Variants in MAP3K7 observed in about 807,000 individuals in gnomAD.
MAP3K7 encodes the protein mitogen-activated protein kinase kinase kinase 7.
Under a neutral mutation model 84.8 loss-of-function variants are expected in MAP3K7, and 21 were observed. That is an observed-to-expected ratio of 0.25 (90% CI 0.18 to 0.36). The LOEUF is 0.36. Among genes scored for constraint, MAP3K7 ranks in the 10% least tolerant of loss-of-function variants. The pLI is 1.00. For missense variants in MAP3K7, 503 were observed against 747.7 expected (o/e 0.67, Z 3.82); for synonymous variants, 241 against 247.7 (o/e 0.97, Z 0.25).
intron 13 of MAP3K7, among the ~76,000 whole-genome samples, chr6:90,534,853 CAG>C (rs1174383533): frequency 5.3e-5 from 8 of 152,060 alleles, no homozygotes; most frequent in African/African-American, 1.9e-4. Context: ...CAATAGTAAA[CAG>C]AGTTTAAAAG....
chr6:90,557,049 G>GA (rs899223096), intron 5 of MAP3K7, among the ~76,000 whole-genome samples: 2 of 151,796 alleles, frequency 1.3e-5, no homozygotes, highest in African/African-American at 4.8e-5. Flanking sequence ...AATATAGAAG[G>GA]AAAAAAATGG....
chr6:90,524,710 G>A (rs1329464882), intron 13 of MAP3K7, among the ~76,000 whole-genome samples: 1 of 151,688 alleles, frequency 6.6e-6, no homozygotes, highest in Admixed American at 6.6e-5. Flanking sequence ...GATGCAATAA[G>A]GAATAGTGAT....
chr6:90,520,541 TATC>T (rs1467634575), intron 14 of MAP3K7, among the ~76,000 whole-genome samples: 2 of 152,056 alleles, frequency 1.3e-5, no homozygotes, highest in African/African-American at 2.4e-5. Context: ...TGACGGTAGT[TATC>T]ATTATTATTC....
intron 12 of MAP3K7, among the ~76,000 whole-genome samples, chr6:90,540,230 C>G (rs1178232063): frequency 1.3e-5 from 2 of 151,766 alleles, no homozygotes; most frequent in African/African-American, 4.8e-5. Context: ...TTGGTCAAGG[C>G]ATTTTATTGC....
In MAP3K7 at chr6:90,560,080, G is replaced by A; in HGVS notation, c.478C>T (p.Pro160Ser). ...TGTCACATTATTATAACTTACTTTG[G>A]TGGTTTCAGGTCCCTGTGAATTAGC... ...KALIHRDLKP[P>S]NLLLVAGGTV... Residue 160 changes from proline to serine, a missense_variant, in exon 5 of 17, where the codon CCA becomes TCA. Around this residue, in one of 5 missense-constraint regions of MAP3K7, gnomAD observed 97 missense variants for 270.8 expected, o/e 0.36. Transcript: ENST00000369329. The A allele has an allele frequency of 6.2e-7, 1 of 1,614,118 alleles. No individual in the cohort carries two copies. Among genetic ancestry groups the A allele is most frequent in the Non-Finnish European group, 8.5e-7 (1 of 1,180,032 alleles).
Position 90,585,928 on chromosome 6 carries a change from C to A in MAP3K7, c.120+836G>T, listed in dbSNP as rs143778883. Among the ~76,000 whole-genome samples, 5 of 152,252 alleles carry A rather than the reference C, an allele frequency of 3.3e-5. No homozygotes were observed. The South Asian group carries it at 6.2e-4, about 19-fold the overall frequency. On this transcript the variant is annotated intron_variant, in intron 1 of 16. Transcript: ENST00000369329. Reference sequence around the variant, plus strand: ...TTTAAACATTACGAGTATTGCTGTGCGGTATCGGAGAAATTGAGAACCATT... The same window carrying A: ...TTTAAACATTACGAGTATTGCTGTGAGGTATCGGAGAAATTGAGAACCATT...
At chr6:90,563,110 A>G (rs1233000960) in intron 3 of MAP3K7, among the ~76,000 whole-genome samples, 4 of 152,240 alleles carry the variant, frequency 2.6e-5, no homozygotes, top group Admixed American at 2.0e-4. Flanking sequence ...GATAAAAACC[A>G]CAAAAATGGG....
chr6:90,559,385 G>A (rs537070816), intron 5 of MAP3K7, among the ~76,000 whole-genome samples: 23 of 15,392 alleles, frequency 1.5e-3, no homozygotes, highest in Admixed American at 6.1e-3. Flanking sequence ...TGGGAGCTTG[G>A]GGGGAGGGTA....
At chr6:90,525,439 T>G (rs1388178443) in intron 13 of MAP3K7, among the ~76,000 whole-genome samples, 1 of 152,174 alleles carries the variant, frequency 6.6e-6, no homozygotes, top group Admixed American at 6.6e-5. Context: ...CCCTCTTGCC[T>G]CAGTCTCCCT....
chr6:90,563,748 C>A (rs1008103797), intron 3 of MAP3K7, among the ~76,000 whole-genome samples: 5 of 152,118 alleles, frequency 3.3e-5, no homozygotes, highest in African/African-American at 1.2e-4. Flanking sequence ...AGAAGAGCAA[C>A]TCCAAGATAC....
chr6:90,519,100 C>G (rs1307908700), intron 15 of MAP3K7, among the ~76,000 whole-genome samples, 158 bp downstream of exon 15: 1 of 151,702 alleles, frequency 6.6e-6, no homozygotes, highest in Non-Finnish European at 1.5e-5. Context: ...TTAACTTAAC[C>G]AAAAGAATTA....
intron 4 of MAP3K7, 84 bp downstream of exon 4, chr6:90,561,538 G>A (rs1776514777): frequency 9.1e-6 from 9 of 985,208 alleles, no homozygotes; most frequent in Non-Finnish European, 1.4e-5. Flanking sequence ...AAATTGTGAA[G>A]AATGTTAAAC....
chr6:90,586,612 CCA>C (rs936592057), intron 1 of MAP3K7, 150 bp downstream of exon 1: 91 of 1,014,972 alleles, frequency 9.0e-5, no homozygotes, highest in Non-Finnish European at 1.2e-4. Context: ...ACCCCCACTC[CCA>C]CGTTACTGAG....
intron 1 of MAP3K7, among the ~76,000 whole-genome samples, chr6:90,585,618 C>CTTTTTTTTTTTTTTTTTTTTTTTT (rs1562116546): frequency 5.5e-4 from 82 of 150,412 alleles, no homozygotes; most frequent in Middle Eastern, 3.4e-3. Context: ...GCAGTTTTTA[C>CTTTTTTTTTTTTTTTTTTTTTTTT]TTTTCTAAAT....
chr6:90,524,196 T>G (rs1391249588), intron 13 of MAP3K7, among the ~76,000 whole-genome samples: 2 of 151,434 alleles, frequency 1.3e-5, no homozygotes, highest in African/African-American at 4.9e-5. Flanking sequence ...AAGCTAAAAC[T>G]CAGCAAAGGC....
chr6:90,530,688 G>A (rs574002471), intron 13 of MAP3K7, among the ~76,000 whole-genome samples: 2 of 152,086 alleles, frequency 1.3e-5, no homozygotes, highest in Admixed American at 6.5e-5. Context: ...TAATATGTTT[G>A]TATAAAAAAA....
chr6:90,572,691 ACAGTT>A (rs1389047072), intron 1 of MAP3K7, among the ~76,000 whole-genome samples: 2 of 152,110 alleles, frequency 1.3e-5, no homozygotes, highest in South Asian at 2.1e-4. Flanking sequence ...AGATCTCATT[ACAGTT>A]ATTTTTCAAA....
chr6:90,552,843 A>T (rs1776223479), intron 7 of MAP3K7, among the ~76,000 whole-genome samples: 1 of 152,230 alleles, frequency 6.6e-6, no homozygotes, highest in South Asian at 2.1e-4. Flanking sequence ...ATGACTTAAG[A>T]TATGAGCATT....
At chr6:90,558,826 T>C (rs1562099195) in intron 5 of MAP3K7, among the ~76,000 whole-genome samples, 1 of 152,224 alleles carries the variant, frequency 6.6e-6, no homozygotes, top group Non-Finnish European at 1.5e-5. Flanking sequence ...AGCCAAAACA[T>C]ACTGTAACGA....
Sources: allele counts gnomAD v4.1 joint callset (sites outside exome capture counted in the v4.1 genomes callset), GRCh38; gene constraint gnomAD v4.1.1; regional missense constraint gnomAD v4.1.1; transcripts MANE v1.5; gene names NCBI Gene and HGNC (gene_info 2026-07-23, HGNC 2026-07-21).